LDB2: variants seen among roughly 807,000 people sequenced by gnomAD.
LDB2 encodes LIM domain-binding protein 2.
In LDB2, 12 loss-of-function variants were observed where a neutral mutation model predicts 44.3. The observed-to-expected ratio is 0.27, with a 90% CI of 0.17 to 0.44. LDB2 has a LOEUF of 0.44. LDB2 is among the 20% of genes least tolerant of loss of function. The probability of loss-of-function intolerance (pLI) is 1.00; values close to 1 mark genes in which losing one functional copy is unlikely to be tolerated. For missense variants in LDB2, 344 were observed against 473.5 expected (o/e 0.73, Z 2.54); for synonymous variants, 164 against 174.8 (o/e 0.94, Z 0.49).
chr4:16,645,058 C>T (rs1366068836), intron 2 of LDB2, among the ~76,000 whole-genome samples: 1 of 152,208 alleles, frequency 6.6e-6, no homozygotes, highest in Non-Finnish European at 1.5e-5. Context: ...GCCCAACTCT[C>T]TACATTACCT....
intron 2 of LDB2, among the ~76,000 whole-genome samples, chr4:16,682,415 G>A (rs1415147494): frequency 1.3e-5 from 2 of 152,148 alleles, no homozygotes; most frequent in East Asian, 1.9e-4. Context: ...CCAACTGAAC[G>A]CTCTGCCTCC....
chr4:16,658,676 A>G (rs1250741052), intron 2 of LDB2, among the ~76,000 whole-genome samples: 1 of 152,226 alleles, frequency 6.6e-6, no homozygotes, highest in African/African-American at 2.4e-5. Context: ...CATTTGGCCC[A>G]CAGGGTGGTC....
At chr4:16,565,180 G>A (rs1039589670) in intron 5 of LDB2, among the ~76,000 whole-genome samples, 2 of 152,148 alleles carry the variant, frequency 1.3e-5, no homozygotes, top group Non-Finnish European at 2.9e-5. Flanking sequence ...TGGCTATCTG[G>A]TCTTGCCCAA....
At position 16,600,038 on chromosome 4, in the gene LDB2, G is replaced by A. The variant is rs183497861; in HGVS notation, c.236-4163C>T. Among the ~76,000 whole-genome samples the A allele has an allele frequency of 6.0e-3, 919 of 152,238 alleles. 7 individuals carry two copies. Among genetic ancestry groups the A allele is most frequent in the Non-Finnish European group, 0.01 (686 of 68,014 alleles). ...GTATCTCCTGTATCCTGAATTCAGT[G>A]TATGATTTTATTATTTCTGAAGCTC... On this transcript the variant is annotated intron_variant, in intron 2 of 7. Transcript: ENST00000304523.
intron 1 of LDB2, among the ~76,000 whole-genome samples, chr4:16,838,063 C>T (rs939562837): frequency 4.6e-5 from 7 of 152,114 alleles, no homozygotes; most frequent in East Asian, 1.9e-4. Context: ...TTTTGGCAGT[C>T]GTGAAAGCTT....
chr4:16,572,335 T>C (rs969780700), intron 5 of LDB2, among the ~76,000 whole-genome samples: 2 of 152,170 alleles, frequency 1.3e-5, no homozygotes, highest in South Asian at 2.1e-4. Flanking sequence ...CGGCTTTCCC[T>C]TAGACTGACT....
At chr4:16,609,511 C>T (rs953448560) in intron 2 of LDB2, among the ~76,000 whole-genome samples, 1 of 152,076 alleles carries the variant, frequency 6.6e-6, no homozygotes, top group Non-Finnish European at 1.5e-5. Flanking sequence ...TGCTTTTCCC[C>T]TGCTGGAGCC....
At chr4:16,785,013 T>G (rs551143401) in intron 1 of LDB2, among the ~76,000 whole-genome samples, 92 of 148,858 alleles carry the variant, frequency 6.2e-4, no homozygotes, top group East Asian at 1.5e-3. Flanking sequence ...GAACAGTTTT[T>G]TTTTCATTGT....
intron 1 of LDB2, among the ~76,000 whole-genome samples, chr4:16,799,119 T>C (rs192507543): frequency 6.6e-6 from 1 of 152,278 alleles, no homozygotes; most frequent in African/African-American, 2.4e-5. Flanking sequence ...TCCCGAAGTG[T>C]TGGGATTACA....
chr4:16,616,892 C>T (rs1329549957), intron 2 of LDB2, among the ~76,000 whole-genome samples: 1 of 152,106 alleles, frequency 6.6e-6, no homozygotes, highest in Non-Finnish European at 1.5e-5. Flanking sequence ...TTTGGAAACT[C>T]TTGGTATTAT....
At chr4:16,544,641 G>A (rs986260941) in intron 5 of LDB2, among the ~76,000 whole-genome samples, 1 of 152,122 alleles carries the variant, frequency 6.6e-6, no homozygotes, top group Non-Finnish European at 1.5e-5. Context: ...GGGTAGATGG[G>A]GCTGGGAGAT....
At chr4:16,848,020 A>T (rs1416162300) in intron 1 of LDB2, among the ~76,000 whole-genome samples, 2 of 152,260 alleles carry the variant, frequency 1.3e-5, no homozygotes, top group African/African-American at 4.8e-5. Flanking sequence ...AAATAAAATA[A>T]AAATAAGTAC....
chr4:16,879,677 G>C (rs1444567647), intron 1 of LDB2, among the ~76,000 whole-genome samples: 1 of 152,134 alleles, frequency 6.6e-6, no homozygotes, highest in Non-Finnish European at 1.5e-5. Context: ...TGGGTCTCCA[G>C]CTTGCAAACA....
chr4:16,759,222 T>C lies in LDB2; in HGVS notation c.171A>G (p.Glu57=). The change falls in exon 2 of 8, where the codon GAA becomes GAG. Residue 57 remains glutamate (E), a synonymous_variant. Transcript: ENST00000304523. ...DNLWWDAFAT[E]FFEDDATLTL... ...TTAATGTGGCGTCATCTTCAAAAAATTCAGTGGCAAAGGCGTCCCACCAGA... is the reference window on the plus strand; with the variant it reads ...TTAATGTGGCGTCATCTTCAAAAAACTCAGTGGCAAAGGCGTCCCACCAGA... The C allele has an allele frequency of 6.2e-7, 1 of 1,614,004 alleles. No individual in the cohort carries two copies. The highest frequency in any genetic ancestry group is 8.5e-7 in the Non-Finnish European group (1 of 1,179,942).
intron 5 of LDB2, among the ~76,000 whole-genome samples, chr4:16,546,859 G>A (rs538270965): frequency 6.6e-6 from 1 of 152,018 alleles, no homozygotes. Context: ...CTCCTCCCAG[G>A]GTTCTTTAGC....
chr4:16,573,494 C>T (rs1049718846), intron 5 of LDB2, among the ~76,000 whole-genome samples: 9 of 152,230 alleles, frequency 5.9e-5, no homozygotes, highest in African/African-American at 1.2e-4. Flanking sequence ...CTGACAATGC[C>T]GAACAGTTAT....
chr4:16,505,438 C>G (rs890832443), intron 7 of LDB2, among the ~76,000 whole-genome samples: 1 of 151,984 alleles, frequency 6.6e-6, no homozygotes, highest in African/African-American at 2.4e-5. Context: ...TGCACATAGA[C>G]AGTTAAGGCC....
intron 2 of LDB2, among the ~76,000 whole-genome samples, chr4:16,716,286 A>G (rs1757063136): frequency 6.6e-6 from 1 of 152,164 alleles, no homozygotes; most frequent in Non-Finnish European, 1.5e-5. Context: ...CAGGAGTGGG[A>G]GCTTCAAAGA....
At chr4:16,541,027 C>T (rs1241861968) in intron 5 of LDB2, among the ~76,000 whole-genome samples, 3 of 152,160 alleles carry the variant, frequency 2.0e-5, no homozygotes, top group Non-Finnish European at 4.4e-5. Context: ...ACCTGTTAAA[C>T]TTTAACATTG....
Sources: allele counts gnomAD v4.1 joint callset (sites outside exome capture counted in the v4.1 genomes callset), GRCh38; gene constraint gnomAD v4.1.1; transcripts MANE v1.5; gene names NCBI Gene and HGNC (gene_info 2026-07-23, HGNC 2026-07-21).